ZNF114: variants seen among roughly 807,000 people sequenced by gnomAD.
ZNF114 encodes the protein zinc finger protein 114 (Y18).
ZNF114 carries 8 observed loss-of-function variants against 6.8 expected under a neutral mutation model. That is an observed-to-expected ratio of 1.18 (90% confidence interval 0.69 to 2.13). The LOEUF (loss-of-function observed/expected upper bound fraction) is 2.13, where lower values mean the gene tolerates loss of function less well. Among genes scored for constraint, ZNF114 ranks in the 30% most tolerant of loss-of-function variants. The probability of loss-of-function intolerance (pLI) is 0.00; values close to 1 mark genes in which losing one functional copy is unlikely to be tolerated. For missense variants in ZNF114, 472 were observed against 519.5 expected (o/e 0.91, Z 0.89); for synonymous variants, 169 against 185.5 (o/e 0.91, Z 0.72).
In ZNF114 at chr19:48,287,523, T is replaced by TCTTTA. The variant is rs1257372393; in HGVS notation, c.*646_*650dup. The TCTTTA allele has an allele frequency of 6.6e-6, 1 of 150,420 alleles. No individual in the cohort carries two copies. The highest frequency in any genetic ancestry group is 2.0e-4 in the East Asian group (1 of 5,080). The allele number at this position is 150,420 out of a possible 1,614,324, so 9.3% of individuals were successfully genotyped here. ...AAAAAAAAAAAAAGTAGGAAAGACC[T>TCTTTA]CTTTAAACACTTACCACTCATGTTG... On this transcript the variant is annotated 3_prime_UTR_variant, in exon 6 of 6. Coordinates refer to ENST00000595607, the MANE Select transcript of ZNF114 (RefSeq NM_153608.4).
In ZNF114 at chr19:48,286,493, A is replaced by T; in HGVS notation, c.869A>T (p.Asn290Ile). The T allele has an allele frequency of 1.9e-6, 3 of 1,614,194 alleles. No individual in the cohort carries two copies. The highest frequency in any genetic ancestry group is 2.5e-6 in the Non-Finnish European group (3 of 1,180,030). ...QTGATSANAP[N>I]SGSHKSHCTG... is the part of the protein sequence containing the mutation. ...GGGGCAACCTCTGCCAACGCTCCAAATTCCGGTTCACACAAGAGTCATTGC... is the reference window on the plus strand; with the variant it reads ...GGGGCAACCTCTGCCAACGCTCCAATTTCCGGTTCACACAAGAGTCATTGC... Residue 290 changes from asparagine (N) to isoleucine (I), a missense_variant, in exon 6 of 6, where the codon AAT (asparagine) becomes ATT (isoleucine). Coordinates refer to ENST00000595607, the MANE Select transcript of ZNF114 (RefSeq NM_153608.4).
chr19:48,282,430 G>A lies in ZNF114; in HGVS notation c.69G>A (p.Leu23=). The A allele has an allele frequency of 6.2e-7, 1 of 1,613,476 alleles. No individual in the cohort carries two copies. The highest frequency in any genetic ancestry group is 8.5e-7 in the Non-Finnish European group (1 of 1,179,676). The change falls in exon 5 of 6, where the codon CTG becomes CTA. Residue 23 remains leucine (L), a synonymous_variant. Coordinates refer to ENST00000595607, the MANE Select transcript of ZNF114 (RefSeq NM_153608.4). ...VNFTKEEWTL[L]DPAQRNLYRD... is the part of the protein sequence containing the mutation. ...TCACCAAAGAGGAGTGGACCCTGCTGGACCCAGCTCAGAGGAATCTCTACA... is the reference window on the plus strand; with the variant it reads ...TCACCAAAGAGGAGTGGACCCTGCTAGACCCAGCTCAGAGGAATCTCTACA...
rs965173265 is a variant in ZNF114, at chr19:48,279,782, G to A, written c.-18G>A. The A allele has an allele frequency of 3.0e-5, 48 of 1,613,824 alleles. No homozygotes were observed. Among genetic ancestry groups the A allele is most frequent in the East Asian group, 4.5e-5 (2 of 44,868 alleles). On this transcript the variant is annotated 5_prime_UTR_variant, in exon 4 of 6. Transcript: ENST00000595607. ...AAACACGGGGAAGCCAGGACTGGCC[G>A]TCACGTTGGTGACAAATATGTCCCA...
At chr19:48,277,866 T>C (rs554763077) in intron 3 of ZNF114, among the ~76,000 whole-genome samples, 1 of 147,832 alleles carries the variant, frequency 6.8e-6, no homozygotes, top group South Asian at 2.2e-4. Context: ...TCATCTTATA[T>C]TTGAAACTTT....
At chr19:48,283,937 T>C (rs1968055796) in intron 5 of ZNF114, among the ~76,000 whole-genome samples, 2 of 152,132 alleles carry the variant, frequency 1.3e-5, no homozygotes, top group Non-Finnish European at 1.5e-5. Context: ...TTTCACTGTG[T>C]TGGCCAGGCT....
At position 48,279,685 on chromosome 19, in the gene ZNF114, G is replaced by C. The variant is rs1967941548; in HGVS notation, c.-69-46G>C. The C allele has an allele frequency of 2.2e-6, 3 of 1,365,162 alleles. No homozygotes were observed. The South Asian group carries it at 3.5e-5, about 16-fold the overall frequency. 84.6% of individuals were successfully genotyped at this position (1,365,162 alleles called of 1,614,324 possible). On this transcript the variant is annotated intron_variant, in intron 3 of 5. Coordinates refer to ENST00000595607, the MANE Select transcript of ZNF114 (RefSeq NM_153608.4). Reference sequence around the variant, plus strand: ...AGGCAGGATCCACATACGAGTGTGGGGAAGGCAGGGTGCCTGGATTCTCAT... The same window carrying C: ...AGGCAGGATCCACATACGAGTGTGGCGAAGGCAGGGTGCCTGGATTCTCAT...
At chr19:48,272,411 CA>C (rs199855031) in intron 3 of ZNF114, among the ~76,000 whole-genome samples, 34 of 127,612 alleles carry the variant, frequency 2.7e-4, no homozygotes, top group African/African-American at 7.8e-4. Context: ...GACTCTGTCT[CA>C]AAAAAAAAAA....
chr19:48,283,364 A>G (rs560642489), intron 5 of ZNF114, among the ~76,000 whole-genome samples: 141 of 152,322 alleles, frequency 9.3e-4, no homozygotes, highest in African/African-American at 3.2e-3. Flanking sequence ...TCAGAACCCC[A>G]GCAAACCAAA....
Position 48,286,348 on chromosome 19 carries a change from C to T in ZNF114, c.724C>T (p.His242Tyr). Residue 242 changes from histidine to tyrosine, a missense_variant, in exon 6 of 6, where the codon CAT becomes TAT. Physicochemically the swap from His to Tyr is moderately conservative, Grantham distance 83 (BLOSUM62 2). Coordinates refer to ENST00000595607, the MANE Select transcript of ZNF114 (RefSeq NM_153608.4). Reference protein sequence around the residue: ...EDGSLRAHNTHGREKMYDFTQ... With the variant: ...EDGSLRAHNTYGREKMYDFTQ... ...CGGATCCCTTAGGGCACACAACACT[C>T]ATGGTCGAGAGAAAATGTATGATTT... 1.2e-6 allele frequency: 2 copies of T among 1,614,200 alleles called. No individual in the cohort carries two copies. The highest frequency in any genetic ancestry group is 1.7e-6 in the Non-Finnish European group (2 of 1,180,042).
chr19:48,279,538 G>A (rs1301342630), intron 3 of ZNF114, among the ~76,000 whole-genome samples, 193 bp from the exon 4 acceptor site: 3 of 119,286 alleles, frequency 2.5e-5, no homozygotes, highest in South Asian at 3.1e-4. Context: ...GGCGTAAGGG[G>A]GTTGGAGTGA....
rs1459625252 is a variant in ZNF114, at chr19:48,285,758, C to G, written c.137-3C>G. 6.3e-7 allele frequency: 1 copy of G among 1,596,106 alleles called. No homozygotes were observed. The highest frequency in any genetic ancestry group is 8.5e-7 in the Non-Finnish European group (1 of 1,173,428). The stretch of plus-strand genomic sequence containing the variant: ...ATTTAACTTTTGTGCCACTGTATTT[C>G]AGATTGGGCAACTCCATGTAAAACC... On this transcript the variant is annotated splice_polypyrimidine_tract_variant and splice_region_variant and intron_variant, in intron 5 of 5. Coordinates refer to ENST00000595607, the MANE Select transcript of ZNF114 (RefSeq NM_153608.4).
intron 3 of ZNF114, among the ~76,000 whole-genome samples, chr19:48,273,790 C>T (rs1378800630): frequency 6.8e-6 from 1 of 146,204 alleles, no homozygotes; most frequent in African/African-American, 2.5e-5. Context: ...CGGAGTCTCG[C>T]TCTGTCGCCC....
chr19:48,274,135 CATAT>C (rs932163966), intron 3 of ZNF114, among the ~76,000 whole-genome samples: 2 of 151,260 alleles, frequency 1.3e-5, no homozygotes, highest in African/African-American at 4.9e-5. Flanking sequence ...TATATACACA[CATAT>C]ATTTATGTGT....
At position 48,287,151 on chromosome 19, in the gene ZNF114, T is replaced by C; in HGVS notation, c.*273T>C. 1 of 251,608 alleles carries C rather than the reference T, an allele frequency of 4.0e-6. No individual in the cohort carries two copies. The highest frequency in any genetic ancestry group is 7.9e-5 in the East Asian group (1 of 12,592). 15.6% of individuals were successfully genotyped at this position (251,608 alleles called of 1,614,324 possible). On this transcript the variant is annotated 3_prime_UTR_variant, in exon 6 of 6. Coordinates refer to ENST00000595607, the MANE Select transcript of ZNF114 (RefSeq NM_153608.4). ...AGCCTTCAGCGTGGTCTCAAATTCA[T>C]GGTTCATACAAGAACTCACACTGCA...
chr19:48,276,452 C>A (rs1017960817), intron 3 of ZNF114, among the ~76,000 whole-genome samples: 1 of 152,124 alleles, frequency 6.6e-6, no homozygotes, highest in African/African-American at 2.4e-5. Context: ...CTGCTAATGA[C>A]TGCCTCCCCT....
rs767892032 is a variant in ZNF114, at chr19:48,286,567, T to TA, written c.944dup (p.Tyr315Ter). Reference sequence around the variant, plus strand: ...CCCCGAATGTGGGAGAGCCTTTTTTTATCAGTCATTCCTTATGAGACATAT... The same window carrying TA: ...CCCCGAATGTGGGAGAGCCTTTTTTTAATCAGTCATTCCTTATGAGACATAT... ...KCPECGRAFF[Y>*]QSFLMRHMKI... The change falls in exon 6 of 6, where the codon TAT becomes TAAT. Residue 315 changes from tyrosine to a stop codon, truncating the protein, a stop_gained and frameshift_variant. Transcript: ENST00000595607. LOFTEE classifies it low-confidence loss of function (END_TRUNC). 7.4e-6 allele frequency: 12 copies of TA among 1,614,024 alleles called. No homozygotes were observed. The highest frequency in any genetic ancestry group is 9.3e-6 in the Non-Finnish European group (11 of 1,180,032).
At chr19:48,272,673 C>CAAAAAA (rs57823987) in intron 3 of ZNF114, among the ~76,000 whole-genome samples, 718 of 39,232 alleles carry the variant, frequency 0.018, 92 homozygotes, top group Non-Finnish European at 0.024. Flanking sequence ...GACTCTCTCT[C>CAAAAAA]AAAAAAAAAA....
intron 4 of ZNF114, 111 bp from the exon 5 acceptor site, chr19:48,282,259 TG>T (rs1968012421): frequency 7.0e-7 from 1 of 1,422,512 alleles, no homozygotes; most frequent in Non-Finnish European, 9.6e-7. Flanking sequence ...AGGTCACCTT[TG>T]CAGGTACCAA....
At chr19:48,281,467 C>G (rs577989822) in intron 4 of ZNF114, 44 of 151,910 alleles carry the variant, frequency 2.9e-4, no homozygotes, top group African/African-American at 8.9e-4. Context: ...ACATTCTTCC[C>G]TCTGTTTCCC....
Sources: gnomAD v4.1 joint callset for allele counts (sites outside exome capture counted in the v4.1 genomes callset) on GRCh38, gnomAD v4.1.1 for gene constraint, MANE v1.5 for transcripts, NCBI Gene and HGNC (gene_info 2026-07-23, HGNC 2026-07-21) for gene names.